Variants in ANTXR2 observed in about 807,000 individuals in gnomAD.
ANTXR2 encodes the protein ANTXR cell adhesion molecule 2.
ANTXR2 carries 44 observed loss-of-function variants against 73.7 expected under a neutral mutation model. The ratio of observed to expected loss-of-function variants is 0.60; its 90% CI spans 0.47 to 0.77. The LOEUF is 0.77. Ranked by LOEUF, ANTXR2 falls within the 30% of genes least tolerant of loss-of-function variation. The probability of loss-of-function intolerance (pLI) is 0.00; values close to 1 mark genes in which losing one functional copy is unlikely to be tolerated. For synonymous variants in ANTXR2, 217 were observed against 205.9 expected (o/e 1.05, Z -0.46); for missense variants, 604 against 592.5 (o/e 1.02, Z -0.20).
At chr4:80,062,789 A>C (rs894291348) in intron 3 of ANTXR2, among the ~76,000 whole-genome samples, 2 of 152,226 alleles carry the variant, frequency 1.3e-5, no homozygotes, top group Non-Finnish European at 2.9e-5. Context: ...TGAAGTGCTC[A>C]TGCACAGCAT....
At chr4:80,008,662 G>A in intron 11 of ANTXR2, 46 bp from the exon 12 acceptor site, 5 of 1,251,316 alleles carry the variant, frequency 4.0e-6, no homozygotes, top group East Asian at 2.7e-5. Flanking sequence ...CACAGCTTAT[G>A]GTCAAATTCC....
At chr4:80,036,902 C>G (rs1300500589) in intron 7 of ANTXR2, among the ~76,000 whole-genome samples, 1 of 152,136 alleles carries the variant, frequency 6.6e-6, no homozygotes, top group Non-Finnish European at 1.5e-5. Flanking sequence ...CTCTTACTTG[C>G]ATAAAAAATT....
chr4:80,005,218 T>C (rs1032473506), intron 12 of ANTXR2, among the ~76,000 whole-genome samples: 1 of 152,124 alleles, frequency 6.6e-6, no homozygotes, highest in Non-Finnish European at 1.5e-5. Flanking sequence ...CTCATGGAGG[T>C]GGATAGCTGA....
intron 16 of ANTXR2, among the ~76,000 whole-genome samples, chr4:79,961,579 C>T (rs533500920): frequency 5.5e-4 from 83 of 152,164 alleles, no homozygotes; most frequent in African/African-American, 1.9e-3. Context: ...GTACTACAGG[C>T]ATGTTCCACT....
intron 16 of ANTXR2, among the ~76,000 whole-genome samples, chr4:79,931,074 A>T (rs1257284332): frequency 6.6e-6 from 1 of 152,214 alleles, no homozygotes; most frequent in African/African-American, 2.4e-5. Context: ...CCATTTATCA[A>T]TACAAAGTCC....
intron 10 of ANTXR2, among the ~76,000 whole-genome samples, chr4:80,029,006 C>G (rs1259374185): frequency 6.6e-6 from 1 of 152,114 alleles, no homozygotes; most frequent in Non-Finnish European, 1.5e-5. Flanking sequence ...TTCTTTTAGA[C>G]ACATCTCTGT....
At chr4:80,031,219 A>G (rs1039119455) in intron 10 of ANTXR2, among the ~76,000 whole-genome samples, 5 of 151,918 alleles carry the variant, frequency 3.3e-5, no homozygotes, top group Admixed American at 2.0e-4. Flanking sequence ...TTTATTAAAT[A>G]CTATAGTAAT....
In ANTXR2 at chr4:79,903,885, T is replaced by C. The variant is rs1437810034; in HGVS notation, c.*3544A>G. ...ACATATACCCACCAAACTTTTCCAGTAGTAATGAAACTCTCAAAAACTTTC... is the reference window on the plus strand; with the variant it reads ...ACATATACCCACCAAACTTTTCCAGCAGTAATGAAACTCTCAAAAACTTTC... On this transcript the variant is annotated 3_prime_UTR_variant, in exon 17 of 17. Coordinates refer to ENST00000403729, the MANE Select transcript of ANTXR2 (RefSeq NM_058172.6). 1 of 152,144 alleles carries C rather than the reference T, an allele frequency of 6.6e-6. No individual in the cohort carries two copies. The highest frequency in any genetic ancestry group is 1.5e-5 in the Non-Finnish European group (1 of 68,016). 9.4% of individuals were successfully genotyped at this position (152,144 alleles called of 1,614,324 possible).
intron 16 of ANTXR2, among the ~76,000 whole-genome samples, chr4:79,957,046 G>A (rs1311019010): frequency 6.6e-6 from 1 of 151,990 alleles, no homozygotes; most frequent in African/African-American, 2.4e-5. Context: ...CATATAATAT[G>A]ACCTGCTATA....
At chr4:79,953,916 T>C (rs904398585) in intron 16 of ANTXR2, among the ~76,000 whole-genome samples, 1 of 152,156 alleles carries the variant, frequency 6.6e-6, no homozygotes, top group Admixed American at 6.5e-5. Context: ...GTACTTCTCA[T>C]TTATATGTTG....
At chr4:80,039,692 T>C (rs781752450) in intron 7 of ANTXR2, among the ~76,000 whole-genome samples, 1 of 152,160 alleles carries the variant, frequency 6.6e-6, no homozygotes. Flanking sequence ...AGTGGTAATA[T>C]GAGTTTAGCC....
At chr4:80,005,272 G>T (rs918189706) in intron 12 of ANTXR2, among the ~76,000 whole-genome samples, 1 of 152,066 alleles carries the variant, frequency 6.6e-6, no homozygotes, top group African/African-American at 2.4e-5. Flanking sequence ...AAGCTCTTTA[G>T]TCATGTTTCA....
chr4:80,050,965 C>T (rs572873775), intron 7 of ANTXR2, among the ~76,000 whole-genome samples: 40 of 151,732 alleles, frequency 2.6e-4, no homozygotes, highest in African/African-American at 8.0e-4. Context: ...CCACGCTACC[C>T]GTCAATGTTT....
At chr4:80,005,541 T>C (rs1323849063) in intron 12 of ANTXR2, among the ~76,000 whole-genome samples, 2 of 152,130 alleles carry the variant, frequency 1.3e-5, no homozygotes, top group Admixed American at 6.6e-5. Flanking sequence ...CACCCTGCGA[T>C]TGTATTATAA....
Position 80,011,597 on chromosome 4 carries a change from C to A in ANTXR2, c.946-2981G>T, listed in dbSNP as rs148872439. Reference sequence around the variant, plus strand: ...AAACTGAGAAGCTTCTAGTTTCGCTCGTGATATAGATCTATATGTAATCAA... The same window carrying A: ...AAACTGAGAAGCTTCTAGTTTCGCTAGTGATATAGATCTATATGTAATCAA... On this transcript the variant is annotated intron_variant, in intron 11 of 16. Transcript: ENST00000403729. Among the ~76,000 whole-genome samples, 6 of 152,262 alleles carry A rather than the reference C, an allele frequency of 3.9e-5. No homozygotes were observed. In the South Asian group the frequency reaches 6.2e-4, roughly 16 times the overall value.
At chr4:80,039,220 TAGAG>T (rs1560417262) in intron 7 of ANTXR2, among the ~76,000 whole-genome samples, 2 of 150,276 alleles carry the variant, frequency 1.3e-5, no homozygotes, top group African/African-American at 4.8e-5. Context: ...AAATGAAAAA[TAGAG>T]AGGAGGGAGA....
At chr4:80,057,641 C>T (rs1196528406) in intron 3 of ANTXR2, among the ~76,000 whole-genome samples, 2 of 151,888 alleles carry the variant, frequency 1.3e-5, no homozygotes, top group Non-Finnish European at 2.9e-5. Context: ...AAGTTCATTA[C>T]ACTCTTATTC....
At chr4:80,046,087 AC>A (rs1264202857) in intron 7 of ANTXR2, among the ~76,000 whole-genome samples, 2 of 151,736 alleles carry the variant, frequency 1.3e-5, no homozygotes, top group East Asian at 3.9e-4. Context: ...ACAAACTTTT[AC>A]CCTAAGAGAA....
intron 12 of ANTXR2, among the ~76,000 whole-genome samples, chr4:79,995,370 T>C (rs1730677577): frequency 6.6e-6 from 1 of 151,848 alleles, no homozygotes; most frequent in African/African-American, 2.4e-5. Flanking sequence ...AAGTCAAATA[T>C]TGAGGAAAAA....
Sources: allele counts gnomAD v4.1 joint callset (sites outside exome capture counted in the v4.1 genomes callset), GRCh38; gene constraint gnomAD v4.1.1; transcripts MANE v1.5; gene names NCBI Gene and HGNC (gene_info 2026-07-23, HGNC 2026-07-21).